ITPRID1: variants seen among roughly 807,000 people sequenced by gnomAD.
ITPRID1 encodes protein ITPRID1.
ITPRID1 carries 96 observed loss-of-function variants against 95.4 expected under a neutral mutation model. The observed-to-expected ratio is 1.01, with a 90% CI of 0.85 to 1.19. The LOEUF (loss-of-function observed/expected upper bound fraction) is 1.19. ITPRID1 is among the 50% of genes most tolerant of loss of function. The pLI is 0.00. For missense variants in ITPRID1, 1,339 were observed against 1,252.9 expected, an observed-to-expected ratio of 1.07 and a Z score of -1.04; for synonymous variants, 510 against 453.6, an observed-to-expected ratio of 1.12 and a Z score of -1.58.
Position 31,652,587 on chromosome 7 carries a change from G to T in ITPRID1, c.2893G>T (p.Glu965Ter). The T allele has an allele frequency of 6.2e-7, 1 of 1,612,514 alleles. No homozygotes were observed. The highest frequency in any genetic ancestry group is 8.5e-7 in the Non-Finnish European group (1 of 1,179,262). Residue 965 changes from glutamate to a stop codon, truncating the protein, a stop_gained, in exon 15 of 15, where the codon GAA (glutamate) becomes TAA (stop). Transcript: ENST00000615280. LOFTEE classifies it low-confidence loss of function (END_TRUNC). ...TCTGCATCAATATAACTGGATAGAA[G>T]AAAGCAATGGGCAGACTTCATGTTC... Reference protein sequence around the residue: ...SNLHQYNWIEESNGQTSCSKI... With the variant: ...SNLHQYNWIE
intron 9 of ITPRID1, 55 bp downstream of exon 9, chr7:31,578,489 A>T: frequency 7.5e-7 from 1 of 1,337,824 alleles, no homozygotes; most frequent in South Asian, 1.6e-5. Flanking sequence ...TCACTATGAC[A>T]CCCTTGTTTT....
chr7:31,518,484 T>A (rs1783119100), intron 1 of ITPRID1: 1 of 152,390 alleles, frequency 6.6e-6, no homozygotes, highest in South Asian at 2.1e-4. Flanking sequence ...ATTGGATAGC[T>A]GGAGAATGTT....
At chr7:31,615,271 TGAAGATAG>T (rs1787098729) in intron 10 of ITPRID1, among the ~76,000 whole-genome samples, 1 of 152,134 alleles carries the variant, frequency 6.6e-6, no homozygotes, top group African/African-American at 2.4e-5. Context: ...GGAAAAAACA[TGAAGATAG>T]GATCAGGTCA....
chr7:31,632,950 G>A (rs531131869), intron 10 of ITPRID1, among the ~76,000 whole-genome samples: 6 of 151,764 alleles, frequency 4.0e-5, no homozygotes, highest in African/African-American at 1.2e-4. Flanking sequence ...GCTGTGGCGC[G>A]ATCTTGGCTC....
At position 31,571,023 on chromosome 7, in the gene ITPRID1, GT is replaced by G. The variant is rs34757342; in HGVS notation, c.309-1070del. Among the ~76,000 whole-genome samples the G allele has an allele frequency of 1.5e-3, 232 of 150,594 alleles. 1 individual carries two copies. Among genetic ancestry groups the G allele is most frequent in the Non-Finnish European group, 4.4e-4 (30 of 67,572 alleles). On this transcript the variant is annotated intron_variant, in intron 6 of 14. Coordinates refer to ENST00000615280, the MANE Select transcript of ITPRID1 (RefSeq NM_001257967.3). ...AATTAAAGGACAGGGCCCAGCTATTGTTTTTTTTTGTTTGTTTGTTTGTTTT... is the reference window on the plus strand; with the variant it reads ...AATTAAAGGACAGGGCCCAGCTATTGTTTTTTTTGTTTGTTTGTTTGTTTT...
At position 31,638,086 on chromosome 7, in the gene ITPRID1, T is replaced by C. The variant is rs192497420; in HGVS notation, c.1229-4090T>C. ...GCTCCCACCAAAGTGTGCAGGGCCA[T>C]TTGCATAGTACTGAAAAAACATTTA... On this transcript the variant is annotated intron_variant, in intron 10 of 14. Transcript: ENST00000615280. Among the ~76,000 whole-genome samples, 7 of 152,294 alleles carry C rather than the reference T, an allele frequency of 4.6e-5. No homozygotes were observed. The East Asian group carries it at 1.4e-3, about 29-fold the overall frequency.
At chr7:31,538,502 A>G (rs1783832380) in intron 1 of ITPRID1, among the ~76,000 whole-genome samples, 1 of 152,204 alleles carries the variant, frequency 6.6e-6, no homozygotes, top group Non-Finnish European at 1.5e-5. Flanking sequence ...ACATAAAATT[A>G]TGGCCCAGGG....
intron 1 of ITPRID1, among the ~76,000 whole-genome samples, chr7:31,529,208 C>T (rs1783515939): frequency 6.6e-6 from 1 of 152,098 alleles, no homozygotes; most frequent in South Asian, 2.1e-4. Flanking sequence ...ATAGAATTTC[C>T]AGTGAATTGA....
chr7:31,643,756 G>GGCACCTGCCATGCT lies in ITPRID1; in HGVS notation c.2387_2400dup (p.Ile801AlafsTer41). ...AGGCTTCTCTAGTATCTGCCCAATGGGCACCTGCCATGCTATACCTGCCCA... is the reference window on the plus strand; with the variant it reads ...AGGCTTCTCTAGTATCTGCCCAATGGGCACCTGCCATGCTGCACCTGCCATGCTATACCTGCCCA... On this transcript the variant is annotated frameshift_variant, in exon 12 of 15. Transcript: ENST00000615280. LOFTEE classifies it high-confidence loss of function. 1 of 1,613,940 alleles carries GGCACCTGCCATGCT rather than the reference G, an allele frequency of 6.2e-7. No homozygotes were observed. Among genetic ancestry groups the GGCACCTGCCATGCT allele is most frequent in the Non-Finnish European group, 8.5e-7 (1 of 1,179,894 alleles).
Position 31,643,792 on chromosome 7 carries a change from T to C in ITPRID1, c.2422T>C (p.Cys808Arg). ...CHAIPAHCCI[C>R]CHHHPHCHGE... is the part of the protein sequence containing the mutation. ...TGCTATACCTGCCCACTGCTGCATC[T>C]GCTGTCATCACCACCCTCACTGCCA... The change falls in exon 12 of 15, where the codon TGC (cysteine) becomes CGC (arginine). Residue 808 changes from cysteine to arginine, a missense_variant. Cys to Arg is a radical substitution (Grantham distance 180). Coordinates refer to ENST00000615280, the MANE Select transcript of ITPRID1 (RefSeq NM_001257967.3). 1 of 1,613,980 alleles carries C rather than the reference T, an allele frequency of 6.2e-7. No individual in the cohort carries two copies. Among genetic ancestry groups the C allele is most frequent in the Non-Finnish European group, 8.5e-7 (1 of 1,179,872 alleles).
At chr7:31,571,152 C>G (rs1005334169) in intron 6 of ITPRID1, among the ~76,000 whole-genome samples, 3 of 152,050 alleles carry the variant, frequency 2.0e-5, no homozygotes, top group African/African-American at 7.2e-5. Flanking sequence ...CTCAGCCTCC[C>G]GAGTAGCTGG....
At chr7:31,649,258 C>T (rs544105059) in intron 12 of ITPRID1, among the ~76,000 whole-genome samples, 107 of 152,158 alleles carry the variant, frequency 7.0e-4, no homozygotes, top group Non-Finnish European at 1.3e-3. Context: ...AATAGCCATC[C>T]GGCTGCCAGG....
In ITPRID1 at chr7:31,652,754, A is replaced by G. The variant is rs1239087304; in HGVS notation, c.3060A>G (p.Ser1020=). The part of the protein sequence containing the change: ...ENSTRMSPSS[S]AWAKLGPTPL... ...GCACCAGGATGTCTCCTTCATCATC[A>G]GCTTGGGCAAAGTTAGGTCCAACCC... is the stretch of plus-strand genomic sequence containing the variant. The change falls in exon 15 of 15, where the codon TCA becomes TCG. Residue 1020 remains serine, a synonymous_variant. Transcript: ENST00000615280. 10 of 1,613,956 alleles carry G rather than the reference A, an allele frequency of 6.2e-6. No individual in the cohort carries two copies. The highest frequency in any genetic ancestry group is 8.5e-6 in the Non-Finnish European group (10 of 1,179,884).
intron 10 of ITPRID1, among the ~76,000 whole-genome samples, chr7:31,626,076 G>A (rs1788441872): frequency 6.6e-6 from 1 of 152,128 alleles, no homozygotes; most frequent in African/African-American, 2.4e-5. Flanking sequence ...TCAAAGAACA[G>A]ACAGAAGTTC....
chr7:31,592,729 C>A (rs928656319), intron 10 of ITPRID1, among the ~76,000 whole-genome samples: 1 of 152,126 alleles, frequency 6.6e-6, no homozygotes, highest in African/African-American at 2.4e-5. Context: ...GCCCATTCAC[C>A]GCTCACCTCC....
intron 10 of ITPRID1, 64 bp from the exon 11 acceptor site, chr7:31,642,112 G>T: frequency 1.7e-6 from 2 of 1,209,006 alleles, no homozygotes; most frequent in South Asian, 2.8e-5. Context: ...TAGAGGGGTT[G>T]ATCCAAGTCC....
chr7:31,642,274 A>C lies in ITPRID1; in HGVS notation c.1311+16A>C. ...GCCCCTCCAGGTAGGAGGGTTTGGA[A>C]CAGGGCCCTGTTGCTCATCCCTAAC... On this transcript the variant is annotated intron_variant, in intron 11 of 14. Coordinates refer to ENST00000615280, the MANE Select transcript of ITPRID1 (RefSeq NM_001257967.3). 2 of 1,524,922 alleles carry C rather than the reference A, an allele frequency of 1.3e-6. No individual in the cohort carries two copies. Among genetic ancestry groups the C allele is most frequent in the Non-Finnish European group, 1.8e-6 (2 of 1,126,306 alleles). The allele number at this position is 1,524,922 out of a possible 1,614,324, so 94.5% of individuals were successfully genotyped here.
intron 10 of ITPRID1, among the ~76,000 whole-genome samples, chr7:31,588,990 A>T (rs1785745416): frequency 6.6e-6 from 1 of 152,166 alleles, no homozygotes; most frequent in Non-Finnish European, 1.5e-5. Context: ...CATATTCAAG[A>T]AAAATGGCAA....
chr7:31,574,859 T>C, intron 8 of ITPRID1, 117 bp downstream of exon 8: 4 of 845,088 alleles, frequency 4.7e-6, no homozygotes, highest in Non-Finnish European at 7.6e-6. Flanking sequence ...TTACAGTGAC[T>C]TCACACACAA....
Sources: gnomAD v4.1 joint callset for allele counts (sites outside exome capture counted in the v4.1 genomes callset) on GRCh38, gnomAD v4.1.1 for gene constraint, MANE v1.5 for transcripts, NCBI Gene and HGNC (gene_info 2026-07-23, HGNC 2026-07-21) for gene names.